GJC1: variants seen among roughly 807,000 people sequenced by gnomAD.
GJC1 encodes gap junction protein gamma 1.
Under a neutral mutation model 29.3 loss-of-function variants are expected in GJC1, and 5 were observed. The ratio of observed to expected loss-of-function variants is 0.17; its 90% CI spans 0.09 to 0.36. The LOEUF (loss-of-function observed/expected upper bound fraction) is 0.36, where lower values mean the gene tolerates loss of function less well. GJC1 is among the 10% of genes least tolerant of loss of function. The probability of loss-of-function intolerance (pLI) is 1.00; values close to 1 mark genes in which losing one functional copy is unlikely to be tolerated. For synonymous variants in GJC1, 177 were observed against 183.3 expected (o/e 0.97, Z 0.28); for missense variants, 310 against 496.2 (o/e 0.62, Z 3.56).
chr17:44,818,001 T>C (rs1479731146), intron 1 of GJC1, among the ~76,000 whole-genome samples: 1 of 151,902 alleles, frequency 6.6e-6, no homozygotes, highest in Non-Finnish European at 1.5e-5. Context: ...TCAGCTAAAA[T>C]CAGGAGTTTG....
downstream of GJC1, among the ~76,000 whole-genome samples, chr17:44,796,458 C>T (rs764014399): frequency 6.6e-6 from 1 of 152,240 alleles, no homozygotes; most frequent in African/African-American, 2.4e-5. Flanking sequence ...AGCAGTCATT[C>T]TGAGCTGACT....
At chr17:44,821,982 G>A (rs1285402317) in intron 1 of GJC1, among the ~76,000 whole-genome samples, 1 of 151,694 alleles carries the variant, frequency 6.6e-6, no homozygotes, top group Non-Finnish European at 1.5e-5. Flanking sequence ...TGGATCACAA[G>A]GTCAGGAGAT....
chr17:44,812,724 T>C (rs1170182200), intron 1 of GJC1, among the ~76,000 whole-genome samples: 2 of 151,962 alleles, frequency 1.3e-5, no homozygotes, highest in African/African-American at 4.8e-5. Context: ...CTCGGCTCTC[T>C]GCAACCTCCA....
chr17:44,822,927 A>T (rs1416812537), intron 1 of GJC1, among the ~76,000 whole-genome samples: 3 of 152,178 alleles, frequency 2.0e-5, no homozygotes, highest in African/African-American at 4.8e-5. Flanking sequence ...GAAAATTTTG[A>T]ATCCAAATAA....
upstream of GJC1, chr17:44,830,716 G>C: frequency 2.5e-6 from 1 of 398,664 alleles, no homozygotes; most frequent in East Asian, 3.6e-5. The surrounding 1 kb of genome is among the most constrained non-coding windows in gnomAD (Gnocchi z 4.3). Flanking sequence ...ATTGTAGCAC[G>C]GGATGCTAAT....
At chr17:44,824,955 C>T (rs1408373611) in intron 1 of GJC1, among the ~76,000 whole-genome samples, 1 of 149,348 alleles carries the variant, frequency 6.7e-6, no homozygotes, top group Non-Finnish European at 1.5e-5. Flanking sequence ...GTGCCTTGGC[C>T]TGTAATCCCC....
rs1394332484 is a variant in GJC1, at chr17:44,798,723, A to G, written c.*5904T>C. ...TCCTAGCTAAGTTTTCAATATCAAT[A>G]TGCTACCCATGTCATAACACTTAGT... On this transcript the variant is annotated 3_prime_UTR_variant, in exon 3 of 3. Coordinates refer to ENST00000592524, the MANE Select transcript of GJC1 (RefSeq NM_005497.4). 6.6e-6 allele frequency: 1 copy of G among 152,234 alleles called. No individual in the cohort carries two copies. Among genetic ancestry groups the G allele is most frequent in the African/African-American group, 2.4e-5 (1 of 41,464 alleles). 9.4% of individuals were successfully genotyped at this position (152,234 alleles called of 1,614,324 possible).
chr17:44,822,780 T>C (rs2050127715), intron 1 of GJC1, among the ~76,000 whole-genome samples: 1 of 151,794 alleles, frequency 6.6e-6, no homozygotes, highest in Non-Finnish European at 1.5e-5. Flanking sequence ...CAATTCAAAT[T>C]ACCTCCTCTG....
At chr17:44,817,482 G>A (rs992208581) in intron 1 of GJC1, among the ~76,000 whole-genome samples, 2 of 151,700 alleles carry the variant, frequency 1.3e-5, no homozygotes, top group African/African-American at 2.4e-5. Flanking sequence ...AGGCTGAGGC[G>A]GGCGGATCAC....
rs1233447634 is a variant in GJC1 at position 44,799,383 on chromosome 17, T to C, written c.*5244A>G. 6.6e-6 allele frequency: 1 copy of C among 151,746 alleles called. No individual in the cohort carries two copies. Among genetic ancestry groups the C allele is most frequent in the Middle Eastern group, 3.2e-3 (1 of 316 alleles). The allele number at this position is 151,746 out of a possible 1,614,324, so 9.4% of individuals were successfully genotyped here. A position where few individuals can be genotyped will look rare whatever the true frequency, so the allele number is the denominator to read the frequency against. On this transcript the variant is annotated 3_prime_UTR_variant, in exon 3 of 3. Transcript: ENST00000592524. ...ACCATGCCCGGCTAATTTTTGTATT[T>C]TTAGTAGAGAGGGGGTTTTACCATG...
chr17:44,815,797 G>C (rs894618218), intron 1 of GJC1, among the ~76,000 whole-genome samples: 1 of 151,766 alleles, frequency 6.6e-6, no homozygotes, highest in Non-Finnish European at 1.5e-5. Flanking sequence ...TTATAGAATC[G>C]TATCAATTCT....
At chr17:44,794,513 G>GTTCTGC (rs2049772845), downstream of GJC1, 2 of 152,246 alleles carry the variant, frequency 1.3e-5, no homozygotes, top group Non-Finnish European at 2.9e-5. Flanking sequence ...CTGGGCAGAA[G>GTTCTGC]CCACAGCTGC....
chr17:44,816,071 C>A (rs113689844), intron 1 of GJC1, among the ~76,000 whole-genome samples: 8,086 of 143,344 alleles, frequency 0.056, 283 homozygotes, highest in Non-Finnish European at 0.079. Flanking sequence ...CGAGATCGTG[C>A]CACTGCACTC....
intron 2 of GJC1, among the ~76,000 whole-genome samples, chr17:44,806,501 G>A (rs958309749): frequency 6.7e-6 from 1 of 149,616 alleles, no homozygotes; most frequent in Non-Finnish European, 1.5e-5. Context: ...CCAGGTTCAA[G>A]TGATTCTTGT....
intron 1 of GJC1, among the ~76,000 whole-genome samples, chr17:44,821,061 A>G (rs1404055589): frequency 6.6e-6 from 1 of 152,250 alleles, no homozygotes; most frequent in Non-Finnish European, 1.5e-5. Flanking sequence ...TGGCTGTATC[A>G]ACCAATGAGG....
intron 1 of GJC1, among the ~76,000 whole-genome samples, chr17:44,809,024 G>A (rs2049944095): frequency 6.6e-6 from 1 of 152,150 alleles, no homozygotes; most frequent in African/African-American, 2.4e-5. Flanking sequence ...AGGTTGCGGT[G>A]AGCTGAGATT....
chr17:44,813,801 C>T (rs927032643), intron 1 of GJC1, among the ~76,000 whole-genome samples: 3 of 151,502 alleles, frequency 2.0e-5, no homozygotes, highest in Non-Finnish European at 4.4e-5. Context: ...CCACAAGTTA[C>T]CCATTCTTAC....
chr17:44,794,307 C>T (rs1277194571), downstream of GJC1: 1 of 152,254 alleles, frequency 6.6e-6, no homozygotes, highest in South Asian at 2.1e-4. Context: ...CTTCCAGTCT[C>T]GATCACTTCC....
downstream of GJC1, among the ~76,000 whole-genome samples, chr17:44,796,232 C>A (rs1008492110): frequency 1.1e-4 from 17 of 152,206 alleles, no homozygotes; most frequent in African/African-American, 4.1e-4. Flanking sequence ...CTCTATGCAG[C>A]ACTTCCCTTC....
Sources: gnomAD v4.1 joint callset for allele counts (sites outside exome capture counted in the v4.1 genomes callset) on GRCh38, gnomAD v4.1.1 for gene constraint, Gnocchi (gnomAD v3.1) non-coding constraint, MANE v1.5 for transcripts, NCBI Gene and HGNC (gene_info 2026-07-23, HGNC 2026-07-21) for gene names.